RPA3: variants seen among roughly 807,000 people sequenced by gnomAD.
RPA3 encodes the protein replication protein A 14 kDa subunit.
A neutral mutation model predicts 13.7 loss-of-function variants in RPA3; 24 were observed. The ratio of observed to expected loss-of-function variants is 1.75; its 90% CI spans 1.27 to 2.46. RPA3 has a LOEUF of 2.46. RPA3 is among the 30% of genes most tolerant of loss of function. The probability of loss-of-function intolerance (pLI) is 0.00; values close to 1 mark genes in which losing one functional copy is unlikely to be tolerated. For synonymous variants in RPA3, 59 were observed against 51.2 expected (o/e 1.15, Z -0.65); for missense variants, 183 against 151.0 (o/e 1.21, Z -1.11).
chr7:7,716,883 A>T (rs190342243), intron 1 of RPA3, among the ~76,000 whole-genome samples: 3 of 152,086 alleles, frequency 2.0e-5, no homozygotes, highest in Admixed American at 6.5e-5. Flanking sequence ...GAGGCGGAGC[A>T]TGCTATGTAA....
At chr7:7,671,399 A>G (rs1779601865) in intron 4 of RPA3, among the ~76,000 whole-genome samples, 1 of 152,204 alleles carries the variant, frequency 6.6e-6, no homozygotes, top group African/African-American at 2.4e-5. Context: ...CCCAAGAGAA[A>G]GAATTTACTG....
chr7:7,663,845 TCTC>T (rs1785537744), intron 4 of RPA3, among the ~76,000 whole-genome samples: 1 of 152,180 alleles, frequency 6.6e-6, no homozygotes, highest in African/African-American at 2.4e-5. Context: ...ATACAACTGA[TCTC>T]CTATTCCTAC....
Position 7,643,142 on chromosome 7 carries a change from C to CA in RPA3, c.-757-1968dup, listed in dbSNP as rs1785013463. Among the ~76,000 whole-genome samples, 3 of 152,202 alleles carry CA rather than the reference C, an allele frequency of 2.0e-5. No homozygotes were observed. The South Asian group carries it at 6.2e-4, about 32-fold the overall frequency. The stretch of plus-strand genomic sequence containing the variant: ...TCTAAAAATGATAATTCTGCAGCGC[C>CA]AGGGAGAGGCCATTTCCTGATGGTC... On this transcript the variant is annotated intron_variant, in intron 4 of 7. Transcript: ENST00000223129.
chr7:7,680,723 A>C (rs1779887678), intron 4 of RPA3, among the ~76,000 whole-genome samples: 1 of 151,794 alleles, frequency 6.6e-6, no homozygotes, highest in African/African-American at 2.4e-5. Context: ...GGTTGCTTTC[A>C]TCAGTATTTT....
intron 4 of RPA3, among the ~76,000 whole-genome samples, chr7:7,680,975 C>A (rs1779895058): frequency 6.6e-6 from 1 of 151,848 alleles, no homozygotes. Context: ...TAGCATATAT[C>A]CACATAACTT....
At chr7:7,686,127 G>T (rs954860959) in intron 3 of RPA3, 129 bp from the exon 4 acceptor site, 1 of 152,196 alleles carries the variant, frequency 6.6e-6, no homozygotes, top group Non-Finnish European at 1.5e-5. Flanking sequence ...ACTGATGTCT[G>T]AGAATTGCTG....
intron 2 of RPA3, among the ~76,000 whole-genome samples, chr7:7,706,901 G>T (rs557877574): frequency 6.6e-6 from 1 of 152,160 alleles, no homozygotes; most frequent in Non-Finnish European, 1.5e-5. Context: ...AACATTTGCA[G>T]GGGTGGCTAA....
chr7:7,650,595 A>C (rs1785202683), intron 4 of RPA3, among the ~76,000 whole-genome samples: 1 of 152,260 alleles, frequency 6.6e-6, no homozygotes, highest in Non-Finnish European at 1.5e-5. Flanking sequence ...TACACTTAAA[A>C]ATTGTTTAAA....
intron 4 of RPA3, among the ~76,000 whole-genome samples, chr7:7,674,512 C>T (rs1414509200): frequency 1.3e-5 from 2 of 152,156 alleles, no homozygotes; most frequent in African/African-American, 2.4e-5. Flanking sequence ...TGTCCAGGGA[C>T]AGGAGCAGTA....
intron 2 of RPA3, among the ~76,000 whole-genome samples, chr7:7,703,102 C>T (rs2115157198): frequency 6.6e-6 from 1 of 152,280 alleles, no homozygotes; most frequent in Admixed American, 6.5e-5. Context: ...GCCAAACCTT[C>T]ACTGAATGAC....
chr7:7,657,608 G>A (rs183820071), intron 4 of RPA3, among the ~76,000 whole-genome samples: 14 of 152,258 alleles, frequency 9.2e-5, no homozygotes, highest in African/African-American at 3.4e-4. Flanking sequence ...GTATGTCAAA[G>A]ATCAGATGGT....
chr7:7,652,995 T>C (rs1050119813), intron 4 of RPA3, among the ~76,000 whole-genome samples: 1 of 152,224 alleles, frequency 6.6e-6, no homozygotes, highest in Non-Finnish European at 1.5e-5. Flanking sequence ...TTATTCTTGC[T>C]CCCCAGTGCT....
At chr7:7,642,307 A>AT (rs34122358) in intron 4 of RPA3, among the ~76,000 whole-genome samples, 45,470 of 149,368 alleles carry the variant, frequency 0.3, 8,714 homozygotes, top group East Asian at 0.78. Flanking sequence ...GCTAATAAAG[A>AT]TTTTTTTTTT....
intron 2 of RPA3, among the ~76,000 whole-genome samples, chr7:7,701,252 C>T (rs972246501): frequency 6.6e-6 from 1 of 152,064 alleles, no homozygotes; most frequent in South Asian, 2.1e-4. Context: ...GGGCTTAGAG[C>T]CCTAAAACCT....
intron 2 of RPA3, among the ~76,000 whole-genome samples, chr7:7,698,244 C>A (rs1780364076): frequency 6.6e-6 from 1 of 152,138 alleles, no homozygotes; most frequent in African/African-American, 2.4e-5. Context: ...ATAGACAGGG[C>A]AGATTTATTT....
intron 2 of RPA3, among the ~76,000 whole-genome samples, chr7:7,697,512 GCT>G (rs1158378151): frequency 3.3e-5 from 5 of 152,098 alleles, no homozygotes; most frequent in Non-Finnish European, 5.9e-5. Context: ...TATGATTGTG[GCT>G]TCCTTTTGTG....
At chr7:7,638,039 C>T in intron 6 of RPA3, 67 bp from the exon 7 acceptor site, 2 of 1,198,596 alleles carry the variant, frequency 1.7e-6, no homozygotes, top group Non-Finnish European at 2.5e-6. Flanking sequence ...TTTTGGAAAA[C>T]TGTTATACAG....
intron 4 of RPA3, among the ~76,000 whole-genome samples, chr7:7,649,685 G>A (rs1785179316): frequency 7.0e-6 from 1 of 143,576 alleles, no homozygotes; most frequent in African/African-American, 2.5e-5. Flanking sequence ...TATTCTTGTT[G>A]GTGGGGGGGC....
chr7:7,651,493 A>G (rs2115550642), intron 4 of RPA3, among the ~76,000 whole-genome samples: 1 of 152,034 alleles, frequency 6.6e-6, no homozygotes, highest in South Asian at 2.1e-4. Flanking sequence ...TCTGTCTCGT[A>G]TTTTCCTGCC....
Sources: allele counts gnomAD v4.1 joint callset (sites outside exome capture counted in the v4.1 genomes callset), GRCh38; gene constraint gnomAD v4.1.1; transcripts MANE v1.5; gene names NCBI Gene and HGNC (gene_info 2026-07-23, HGNC 2026-07-21).